Variants in ZDHHC2 observed in about 807,000 individuals in gnomAD.
ZDHHC2 encodes zDHHC palmitoyltransferase 2, also known as palmitoyltransferase ZDHHC2.
In ZDHHC2, 51 loss-of-function variants were observed where a neutral mutation model predicts 55.6. The ratio of observed to expected loss-of-function variants is 0.92; its 90% CI spans 0.73 to 1.16. ZDHHC2 has a LOEUF of 1.16. Among genes scored for constraint, ZDHHC2 ranks in the 50% most tolerant of loss-of-function variants. ZDHHC2 has a pLI of 0.00. For missense variants in ZDHHC2, 491 were observed against 442.4 expected, an observed-to-expected ratio of 1.11 and a Z score of -0.99; for synonymous variants, 199 against 152.9, an observed-to-expected ratio of 1.30 and a Z score of -2.22.
At chr8:17,196,680 A>G (rs1806329494) in intron 4 of ZDHHC2, among the ~76,000 whole-genome samples, 1 of 151,814 alleles carries the variant, frequency 6.6e-6, no homozygotes, top group Admixed American at 6.6e-5. Context: ...AGGCAGGTGG[A>G]TCACCTGAGG....
chr8:17,211,747 G>A (rs2150946390), intron 10 of ZDHHC2, among the ~76,000 whole-genome samples: 1 of 152,096 alleles, frequency 6.6e-6, no homozygotes, highest in South Asian at 2.1e-4. Flanking sequence ...TTAGTGAATG[G>A]GCCCAGTGTA....
intron 10 of ZDHHC2, among the ~76,000 whole-genome samples, chr8:17,210,948 C>T (rs951968611): frequency 2.0e-5 from 3 of 152,056 alleles, no homozygotes; most frequent in African/African-American, 7.2e-5. Context: ...ATATTATGGA[C>T]TTAGTGCCCT....
chr8:17,210,140 C>G, intron 9 of ZDHHC2, 82 bp downstream of exon 9: 1 of 1,443,102 alleles, frequency 6.9e-7, no homozygotes, highest in Non-Finnish European at 9.3e-7. Context: ...GCCTCTAGTT[C>G]CATAGGCTTG....
chr8:17,212,709 C>T (rs989730339), intron 10 of ZDHHC2, among the ~76,000 whole-genome samples: 1 of 152,074 alleles, frequency 6.6e-6, no homozygotes, highest in Non-Finnish European at 1.5e-5. Context: ...CTGCTGAAAG[C>T]TCTATTAGTT....
At chr8:17,203,718 C>G (rs190924635) in intron 6 of ZDHHC2, among the ~76,000 whole-genome samples, 3 of 152,292 alleles carry the variant, frequency 2.0e-5, no homozygotes, top group African/African-American at 7.2e-5. Context: ...ACCTCAGCAA[C>G]AGGCTTGCAT....
intron 1 of ZDHHC2, among the ~76,000 whole-genome samples, chr8:17,178,144 T>C (rs906232513): frequency 6.6e-6 from 1 of 152,180 alleles, no homozygotes; most frequent in Non-Finnish European, 1.5e-5. Flanking sequence ...TATTTATGAC[T>C]AAAAGTTCAA....
rs997763792 is a variant in ZDHHC2, at chr8:17,156,567, G to C, written c.-157G>C. 1 of 399,542 alleles carries C rather than the reference G, an allele frequency of 2.5e-6. No individual in the cohort carries two copies. The highest frequency in any genetic ancestry group is 3.4e-6 in the Non-Finnish European group (1 of 292,292). The allele number at this position is 399,542 out of a possible 1,614,324, so 24.7% of individuals were successfully genotyped here. ...GTCCGCCGCGCCGGCTCGGGGCTGCGGGATGGGGAGTTAGCGCCACGGCGG... is the reference window on the plus strand; with the variant it reads ...GTCCGCCGCGCCGGCTCGGGGCTGCCGGATGGGGAGTTAGCGCCACGGCGG... On this transcript the variant is annotated 5_prime_UTR_variant, in exon 1 of 13. Transcript: ENST00000262096.
chr8:17,192,606 G>C (rs901815795), intron 3 of ZDHHC2, among the ~76,000 whole-genome samples: 6 of 152,082 alleles, frequency 3.9e-5, no homozygotes, highest in African/African-American at 1.4e-4. Context: ...TTCCTTTGCT[G>C]TGCAAAAGCC....
At chr8:17,205,550 T>TATATTA in intron 6 of ZDHHC2, 105 bp from the exon 7 acceptor site, 1 of 1,260,118 alleles carries the variant, frequency 7.9e-7, no homozygotes, top group Non-Finnish European at 1.1e-6. Flanking sequence ...TTTAAAGAAA[T>TATATTA]GCCAATAAAT....
chr8:17,199,606 TTTCTTC>T lies in ZDHHC2; in HGVS notation c.476+1206_476+1211del, dbSNP rs147013065. 4.1e-4 allele frequency among the ~76,000 whole-genome samples: 21 copies of T among 50,828 alleles called. 2 individuals are homozygous for T. The highest frequency in any genetic ancestry group is 1.5e-3 in the South Asian group (3 of 1,950). The allele number at this position is 50,828 out of a possible 152,430, so 33.3% of individuals were successfully genotyped here. On this transcript the variant is annotated intron_variant, in intron 6 of 12. Coordinates refer to ENST00000262096, the MANE Select transcript of ZDHHC2 (RefSeq NM_016353.5). ...TCTTCTTCTTTCTTCTTCTTTATTC[TTTCTTC>T]TTCTTCTTCTTCCTTTCTTCTTCTT...
intron 6 of ZDHHC2, among the ~76,000 whole-genome samples, chr8:17,203,244 T>C (rs1477448062): frequency 6.6e-6 from 1 of 151,764 alleles, no homozygotes; most frequent in Non-Finnish European, 1.5e-5. Flanking sequence ...ATTTTTATTT[T>C]ACTTTATTAA....
At chr8:17,202,366 G>T (rs908000090) in intron 6 of ZDHHC2, among the ~76,000 whole-genome samples, 1 of 152,126 alleles carries the variant, frequency 6.6e-6, no homozygotes, top group East Asian at 1.9e-4. Flanking sequence ...AAAAGAGAAA[G>T]AGAGGGCTCA....
chr8:17,174,348 C>T (rs1161144161), intron 1 of ZDHHC2, among the ~76,000 whole-genome samples: 1 of 152,142 alleles, frequency 6.6e-6, no homozygotes, highest in Non-Finnish European at 1.5e-5. Context: ...GTCTGTGATA[C>T]TTTGTTATGA....
In ZDHHC2 at chr8:17,196,597, G is replaced by A. The variant is rs760181799; in HGVS notation, c.373+973G>A. On this transcript the variant is annotated intron_variant, in intron 4 of 12. Coordinates refer to ENST00000262096, the MANE Select transcript of ZDHHC2 (RefSeq NM_016353.5). ...AAAAATGTTTAAAAAAAAAAAAACAGGAAAAACTCATTAAGATTTGCGACT... is the reference window on the plus strand; with the variant it reads ...AAAAATGTTTAAAAAAAAAAAAACAAGAAAAACTCATTAAGATTTGCGACT... 4.8e-4 allele frequency among the ~76,000 whole-genome samples: 73 copies of A among 151,008 alleles called. 1 individual carries two copies. The highest frequency in any genetic ancestry group is 8.0e-4 in the Non-Finnish European group (54 of 67,782).
chr8:17,171,780 A>T (rs562591819), intron 1 of ZDHHC2, among the ~76,000 whole-genome samples: 3 of 151,378 alleles, frequency 2.0e-5, no homozygotes, highest in African/African-American at 7.3e-5. Context: ...AGAAGGACAG[A>T]TACTGCCTTC....
At chr8:17,163,102 A>G (rs1804428772) in intron 1 of ZDHHC2, among the ~76,000 whole-genome samples, 1 of 152,106 alleles carries the variant, frequency 6.6e-6, no homozygotes, top group Non-Finnish European at 1.5e-5. Context: ...CATGAATGCA[A>G]CTCTCTGAAT....
intron 1 of ZDHHC2, among the ~76,000 whole-genome samples, chr8:17,163,671 G>C (rs941984349): frequency 6.6e-6 from 1 of 152,018 alleles, no homozygotes; most frequent in African/African-American, 2.4e-5. Context: ...TGTATTCATG[G>C]GTCCCCTGAG....
intron 3 of ZDHHC2, among the ~76,000 whole-genome samples, chr8:17,194,930 T>C (rs542708187): frequency 6.6e-6 from 1 of 152,198 alleles, no homozygotes; most frequent in Non-Finnish European, 1.5e-5. Context: ...TATATACATA[T>C]TATTAAACAG....
chr8:17,213,777 A>G (rs988059101), intron 10 of ZDHHC2, among the ~76,000 whole-genome samples: 4 of 152,170 alleles, frequency 2.6e-5, no homozygotes, highest in African/African-American at 9.6e-5. Context: ...CTAAACCAGG[A>G]TCCCAGGATC....
Sources: allele counts gnomAD v4.1 joint callset (sites outside exome capture counted in the v4.1 genomes callset), GRCh38; gene constraint gnomAD v4.1.1; transcripts MANE v1.5; gene names NCBI Gene and HGNC (gene_info 2026-07-23, HGNC 2026-07-21).